Variants in AFAP1 observed in about 807,000 individuals in gnomAD.
AFAP1 encodes actin filament associated protein 1.
AFAP1 carries 75 observed loss-of-function variants against 93.9 expected under a neutral mutation model. That is an observed-to-expected ratio of 0.80 (90% confidence interval 0.66 to 0.97). AFAP1 has a LOEUF of 0.97. AFAP1 is among the 50% of genes least tolerant of loss of function. The pLI, the probability that AFAP1 is intolerant of heterozygous loss-of-function variation, is 0.00. For missense variants in AFAP1, 1,201 were observed against 1,050.8 expected (o/e 1.14, Z -1.98); for synonymous variants, 517 against 430.7 (o/e 1.20, Z -2.48).
intron 1 of AFAP1, among the ~76,000 whole-genome samples, chr4:7,909,126 T>A (rs1351829091): frequency 6.6e-6 from 1 of 152,236 alleles, no homozygotes; most frequent in Non-Finnish European, 1.5e-5. Context: ...TATTTACATT[T>A]AAATATGATG....
intron 11 of AFAP1, among the ~76,000 whole-genome samples, chr4:7,790,936 G>A (rs1158442452): frequency 6.6e-6 from 1 of 152,168 alleles, no homozygotes; most frequent in Non-Finnish European, 1.5e-5. Context: ...GACCTTAGCT[G>A]GGTGTATGTA....
At chr4:7,831,976 C>G (rs1424091075) in intron 6 of AFAP1, among the ~76,000 whole-genome samples, 2 of 152,116 alleles carry the variant, frequency 1.3e-5, no homozygotes, top group Non-Finnish European at 2.9e-5. Flanking sequence ...AAATGTGAAG[C>G]CAGGAAACCC....
chr4:7,829,532 G>C (rs986356276), intron 6 of AFAP1, among the ~76,000 whole-genome samples: 2 of 152,164 alleles, frequency 1.3e-5, no homozygotes, highest in African/African-American at 4.8e-5. Flanking sequence ...TATAAGCAAA[G>C]AATACAGACA....
intron 1 of AFAP1, 30 bp from the exon 2 acceptor site, chr4:7,872,110 G>T: frequency 6.2e-7 from 1 of 1,611,374 alleles, no homozygotes. Flanking sequence ...AGTATTATTA[G>T]ACCCAGTGAT....
chr4:7,777,422 G>C (rs1189826419), intron 14 of AFAP1: 1 of 152,238 alleles, frequency 6.6e-6, no homozygotes, highest in African/African-American at 2.4e-5. Context: ...GCCTGGCCCT[G>C]CGGAGCGATT....
At chr4:7,864,414 A>C (rs1210547567) in intron 3 of AFAP1, among the ~76,000 whole-genome samples, 2 of 152,226 alleles carry the variant, frequency 1.3e-5, no homozygotes, top group African/African-American at 4.8e-5. Flanking sequence ...ACGGCCAACT[A>C]GCCCAAAGCC....
intron 4 of AFAP1, chr4:7,843,742 C>T (rs1395111005): frequency 5.5e-6 from 1 of 183,268 alleles, no homozygotes; most frequent in East Asian, 1.5e-4. Context: ...CACGTCCGCA[C>T]CTTTATGTCA....
intron 12 of AFAP1, among the ~76,000 whole-genome samples, chr4:7,784,158 G>A (rs1421325232): frequency 6.6e-6 from 1 of 152,162 alleles, no homozygotes; most frequent in Non-Finnish European, 1.5e-5. Context: ...TGTGGTGACT[G>A]TGGGCACCCA....
chr4:7,822,083 G>A (rs949618263), intron 6 of AFAP1, among the ~76,000 whole-genome samples: 3 of 142,948 alleles, frequency 2.1e-5, no homozygotes, highest in African/African-American at 7.3e-5. Context: ...CTACCCTAAG[G>A]TGTTTATTAA....
intron 4 of AFAP1, among the ~76,000 whole-genome samples, chr4:7,847,792 T>TGGGGG (rs1553845868): frequency 8.2e-5 from 3 of 36,592 alleles, no homozygotes; most frequent in African/African-American, 1.9e-4. Flanking sequence ...TCAGGGGTAC[T>TGGGGG]CGGGGTGGGG....
chr4:7,831,176 T>C lies in AFAP1; in HGVS notation c.726+7348A>G, dbSNP rs74508583. Among the ~76,000 whole-genome samples the C allele has an allele frequency of 2.9e-3, 438 of 152,260 alleles. 1 individual carries two copies. Among genetic ancestry groups the C allele is most frequent in the African/African-American group, 1.0e-2 (414 of 41,552 alleles). On this transcript the variant is annotated intron_variant, in intron 6 of 17. Coordinates refer to ENST00000420658, the MANE Select transcript of AFAP1 (RefSeq NM_001134647.2). Reference sequence around the variant, plus strand: ...AGAAACTACACTAGCCCATCTCAAGTCTCTGCTGGCCCAAGATAATTCTGT... The same window carrying C: ...AGAAACTACACTAGCCCATCTCAAGCCTCTGCTGGCCCAAGATAATTCTGT...
At chr4:7,806,879 T>C (rs896563348) in intron 9 of AFAP1, among the ~76,000 whole-genome samples, 3 of 152,026 alleles carry the variant, frequency 2.0e-5, no homozygotes, top group South Asian at 2.1e-4. Flanking sequence ...TCCAAGAAAG[T>C]GCCCAAGAAG....
intron 1 of AFAP1, among the ~76,000 whole-genome samples, chr4:7,883,354 C>A (rs576316366): frequency 2.0e-5 from 3 of 152,126 alleles, no homozygotes; most frequent in Non-Finnish European, 4.4e-5. Context: ...TAAGTCAATA[C>A]ACTTGGAATT....
At chr4:7,916,846 G>T (rs1480015766) in intron 1 of AFAP1, among the ~76,000 whole-genome samples, 1 of 152,094 alleles carries the variant, frequency 6.6e-6, no homozygotes, top group African/African-American at 2.4e-5. Context: ...CTTGCACTAG[G>T]GGCCCAGGGC....
intron 1 of AFAP1, among the ~76,000 whole-genome samples, chr4:7,919,060 C>T (rs1435970087): frequency 6.6e-6 from 1 of 151,752 alleles, no homozygotes; most frequent in African/African-American, 2.4e-5. Context: ...GGAAGAGACA[C>T]TCGGCCCAGG....
At chr4:7,845,967 C>G (rs1713645479) in intron 4 of AFAP1, among the ~76,000 whole-genome samples, 1 of 152,136 alleles carries the variant, frequency 6.6e-6, no homozygotes. Context: ...TGCAGGGGCA[C>G]AGGGAAGACA....
At chr4:7,845,774 G>A (rs1713613294) in intron 4 of AFAP1, among the ~76,000 whole-genome samples, 1 of 152,092 alleles carries the variant, frequency 6.6e-6, no homozygotes, top group Non-Finnish European at 1.5e-5. Flanking sequence ...AGCCACAGGG[G>A]GTTACTTACA....
chr4:7,814,965 G>A (rs761307342), intron 8 of AFAP1, among the ~76,000 whole-genome samples: 1 of 152,236 alleles, frequency 6.6e-6, no homozygotes, highest in Non-Finnish European at 1.5e-5. Flanking sequence ...CCATGCTCAC[G>A]GCAGCATCTT....
At chr4:7,863,680 G>A (rs1166544083) in intron 3 of AFAP1, among the ~76,000 whole-genome samples, 2 of 152,180 alleles carry the variant, frequency 1.3e-5, no homozygotes, top group African/African-American at 2.4e-5. Flanking sequence ...GACGCACCAT[G>A]TCACACAGGG....
Sources: gnomAD v4.1 joint callset for allele counts (sites outside exome capture counted in the v4.1 genomes callset) on GRCh38, gnomAD v4.1.1 for gene constraint, MANE v1.5 for transcripts, NCBI Gene and HGNC (gene_info 2026-07-23, HGNC 2026-07-21) for gene names.